Variants in RIPOR2 observed in about 807,000 individuals in gnomAD.
The protein encoded by RIPOR2 is RHO family interacting cell polarization regulator 2, also known as rho family-interacting cell polarization regulator 2.
RIPOR2 carries 39 observed loss-of-function variants against 114.5 expected under a neutral mutation model. The ratio of observed to expected loss-of-function variants is 0.34; its 90% CI spans 0.26 to 0.44. RIPOR2 has a LOEUF of 0.44. RIPOR2 is among the 20% of genes least tolerant of loss of function. RIPOR2 has a pLI of 1.00. For missense variants in RIPOR2, 1,007 were observed against 1,255.1 expected, an observed-to-expected ratio of 0.80 and a Z score of 2.99; for synonymous variants, 445 against 484.4, an observed-to-expected ratio of 0.92 and a Z score of 1.07.
At position 24,889,987 on chromosome 6, in the gene RIPOR2, G is replaced by A. The variant is rs569527125; in HGVS notation, c.62-14170C>T. Reference sequence around the variant, plus strand: ...GCTCACTGCAACCTCTGCCTCCCGGGTTCAAGCGATTCTCCTGCCTCAACC... The same window carrying A: ...GCTCACTGCAACCTCTGCCTCCCGGATTCAAGCGATTCTCCTGCCTCAACC... On this transcript the variant is annotated intron_variant, in intron 1 of 21. Coordinates refer to ENST00000643898, the MANE Select transcript of RIPOR2 (RefSeq NM_001286445.3). Among the ~76,000 whole-genome samples, 9 of 152,212 alleles carry A rather than the reference G, an allele frequency of 5.9e-5. No individual in the cohort carries two copies. In the East Asian group the frequency reaches 1.7e-3, roughly 29 times the overall value.
intron 1 of RIPOR2, among the ~76,000 whole-genome samples, chr6:24,999,850 C>A (rs1182081020): frequency 6.6e-6 from 1 of 152,190 alleles, no homozygotes; most frequent in Admixed American, 6.5e-5. Context: ...GCTACCGCGC[C>A]CAGCCCTGAC....
chr6:24,862,185 A>G (rs879601137), intron 7 of RIPOR2, among the ~76,000 whole-genome samples: 2 of 152,252 alleles, frequency 1.3e-5, no homozygotes, highest in Non-Finnish European at 2.9e-5. Context: ...TGCTGCGGCC[A>G]TGGGCCATCC....
intron 1 of RIPOR2, chr6:24,931,924 A>C (rs1029749438): frequency 6.6e-6 from 1 of 152,212 alleles, no homozygotes; most frequent in Non-Finnish European, 1.5e-5. Flanking sequence ...TTGCTCCCAC[A>C]CGTGAATTCT....
At chr6:24,921,832 C>CT (rs199588662) in intron 1 of RIPOR2, among the ~76,000 whole-genome samples, 13,783 of 150,978 alleles carry the variant, frequency 0.091, 739 homozygotes, top group Non-Finnish European at 0.11. Context: ...TTCTTTCTTT[C>CT]TTTTTTTTAA....
chr6:24,947,544 C>T (rs16889835), intron 1 of RIPOR2, among the ~76,000 whole-genome samples: 18,634 of 152,210 alleles, frequency 0.12, 1,358 homozygotes, highest in East Asian at 0.3. Flanking sequence ...AATTATGGAA[C>T]GGTCCTGCTC....
At chr6:24,951,057 T>C (rs1002713107) in intron 1 of RIPOR2, among the ~76,000 whole-genome samples, 2 of 152,176 alleles carry the variant, frequency 1.3e-5, no homozygotes, top group Non-Finnish European at 2.9e-5. Flanking sequence ...AATCAATGAC[T>C]TCATTGATTT....
chr6:25,026,728 C>T (rs975639030), intron 1 of RIPOR2, among the ~76,000 whole-genome samples: 1 of 152,156 alleles, frequency 6.6e-6, no homozygotes, highest in African/African-American at 2.4e-5. Context: ...TTACGGTGGT[C>T]TAAAATTCAA....
At chr6:24,980,419 C>T (rs559641265) in intron 1 of RIPOR2, among the ~76,000 whole-genome samples, 63 of 152,280 alleles carry the variant, frequency 4.1e-4, no homozygotes, top group South Asian at 8.3e-4. Context: ...ACCTAACATA[C>T]TCTTTTACAG....
At chr6:24,845,610 T>C (rs1430008866) in intron 12 of RIPOR2, among the ~76,000 whole-genome samples, 1 of 152,170 alleles carries the variant, frequency 6.6e-6, no homozygotes, top group Non-Finnish European at 1.5e-5. Context: ...TTCCACCTAC[T>C]TAAGTGGCAA....
At chr6:24,910,219 T>A (rs1769411738) in intron 1 of RIPOR2, among the ~76,000 whole-genome samples, 2 of 152,058 alleles carry the variant, frequency 1.3e-5, no homozygotes, top group South Asian at 4.2e-4. Flanking sequence ...AGCAACACAT[T>A]TTTTCCTTTC....
rs7770977 is a variant in RIPOR2 at position 24,945,388 on chromosome 6, G to C, written c.77-69571C>G. Among the ~76,000 whole-genome samples, 989 of 152,186 alleles carry C rather than the reference G, an allele frequency of 6.5e-3. 11 individuals are homozygous for C. The highest frequency in any genetic ancestry group is 0.023 in the African/African-American group (941 of 41,524). ...GACAGTCCTTTAGGTTGACATAAAA[G>C]ACACTGGACAGTAACTCAAAGCCAT... On this transcript the variant is annotated intron_variant, in intron 1 of 13. Transcript: ENST00000510784.
At chr6:24,964,147 C>CTGTGTGTGAG (rs145541037) in intron 1 of RIPOR2, among the ~76,000 whole-genome samples, 40 of 146,710 alleles carry the variant, frequency 2.7e-4, no homozygotes, top group Non-Finnish European at 4.5e-4. Context: ...GACATTGGCT[C>CTGTGTGTGAG]TGTGTGTGTG....
chr6:24,832,189 T>G, intron 16 of RIPOR2, 67 bp downstream of exon 16: 2 of 1,433,492 alleles, frequency 1.4e-6, no homozygotes, highest in Non-Finnish European at 1.9e-6. Flanking sequence ...TGAACATGCA[T>G]AGGGAGTGGA....
chr6:25,030,255 T>C (rs1330614931), intron 1 of RIPOR2, among the ~76,000 whole-genome samples: 1 of 152,150 alleles, frequency 6.6e-6, no homozygotes, highest in East Asian at 1.9e-4. Context: ...ACATTCTGAA[T>C]CATAATCATT....
intron 1 of RIPOR2, among the ~76,000 whole-genome samples, chr6:24,963,757 T>TGG (rs1773405615): frequency 1.3e-5 from 2 of 151,884 alleles, no homozygotes; most frequent in Admixed American, 1.3e-4. Context: ...TGTGTGTGTG[T>TGG]GTGTATTTGT....
intron 1 of RIPOR2, among the ~76,000 whole-genome samples, chr6:24,923,894 A>G (rs191392531): frequency 6.6e-5 from 10 of 152,174 alleles, no homozygotes; most frequent in Admixed American, 5.9e-4. Flanking sequence ...TAAATGAAGA[A>G]CTGCTCAGAA....
chr6:24,853,041 T>C (rs140659644), intron 8 of RIPOR2, among the ~76,000 whole-genome samples: 125 of 152,316 alleles, frequency 8.2e-4, no homozygotes, highest in African/African-American at 2.9e-3. Context: ...GTGCCTCCCA[T>C]TTGAGTTAAG....
At chr6:24,890,042 C>T (rs968748414) in intron 1 of RIPOR2, among the ~76,000 whole-genome samples, 1 of 152,084 alleles carries the variant, frequency 6.6e-6, no homozygotes, top group South Asian at 2.1e-4. Context: ...TACAGGTATG[C>T]GCCACCACGC....
chr6:24,864,260 G>A (rs1324568156), intron 7 of RIPOR2, among the ~76,000 whole-genome samples: 2 of 152,144 alleles, frequency 1.3e-5, no homozygotes, highest in African/African-American at 2.4e-5. Flanking sequence ...AACCCGGGAG[G>A]CAGAGATTGC....
Sources: gnomAD v4.1 joint callset for allele counts (sites outside exome capture counted in the v4.1 genomes callset) on GRCh38, gnomAD v4.1.1 for gene constraint, MANE v1.5 for transcripts, NCBI Gene and HGNC (gene_info 2026-07-23, HGNC 2026-07-21) for gene names.